SUGCT: variants seen among roughly 807,000 people sequenced by gnomAD.
The protein encoded by SUGCT is succinyl-CoA:glutarate-CoA transferase, also known as succinyl-CoA:glutarate CoA-transferase.
SUGCT carries 41 observed loss-of-function variants against 55.0 expected under a neutral mutation model. That is an observed-to-expected ratio of 0.74 (90% CI 0.58 to 0.97). The LOEUF is 0.97. Among genes scored for constraint, SUGCT ranks in the 50% least tolerant of loss-of-function variants. The pLI, the probability that SUGCT is intolerant of heterozygous loss-of-function variation, is 0.00. For synonymous variants in SUGCT, 187 were observed against 200.4 expected (o/e 0.93, Z 0.56); for missense variants, 568 against 547.8 (o/e 1.04, Z -0.37).
chr7:40,848,706 T>C (rs1261174100), intron 13 of SUGCT, among the ~76,000 whole-genome samples: 2 of 152,188 alleles, frequency 1.3e-5, no homozygotes, highest in African/African-American at 2.4e-5. Context: ...TCTATGTTGG[T>C]GGTACATACC....
At chr7:40,280,463 A>G (rs1042595751) in intron 8 of SUGCT, among the ~76,000 whole-genome samples, 1 of 152,174 alleles carries the variant, frequency 6.6e-6, no homozygotes, top group Non-Finnish European at 1.5e-5. Context: ...TCCTTACTGT[A>G]CTTAATTGCA....
intron 12 of SUGCT, among the ~76,000 whole-genome samples, chr7:40,736,426 T>G (rs1192871647): frequency 6.6e-6 from 1 of 151,496 alleles, no homozygotes; most frequent in East Asian, 1.9e-4. Context: ...TTAGGAATTT[T>G]CCAAAACTTT....
chr7:41,015,900 A>G, the SUGCT span, among the ~76,000 whole-genome samples: 9 of 152,122 alleles, frequency 5.9e-5, no homozygotes, highest in African/African-American at 2.2e-4. Flanking sequence ...TGTTGCATGT[A>G]TGTGTGTGTG....
the SUGCT span, among the ~76,000 whole-genome samples, chr7:40,914,623 G>A: frequency 6.6e-6 from 1 of 152,230 alleles, no homozygotes; most frequent in African/African-American, 2.4e-5. Context: ...GGCTGAGGAA[G>A]TAGAGTGGAA....
intron 6 of SUGCT, among the ~76,000 whole-genome samples, chr7:40,205,665 A>G (rs1786930920): frequency 6.6e-6 from 1 of 151,912 alleles, no homozygotes; most frequent in East Asian, 1.9e-4. Flanking sequence ...AAAAAAAAGA[A>G]AAGTGACAAA....
chr7:40,730,019 C>T (rs145334638), intron 12 of SUGCT, among the ~76,000 whole-genome samples: 533 of 152,294 alleles, frequency 3.5e-3, no homozygotes, highest in African/African-American at 0.012. Flanking sequence ...CTGCTTGGCT[C>T]GGTCCTGCTA....
chr7:40,205,992 T>G (rs1438926411), intron 6 of SUGCT, among the ~76,000 whole-genome samples: 2 of 152,336 alleles, frequency 1.3e-5, no homozygotes, highest in African/African-American at 2.4e-5. Flanking sequence ...ATGGTTAGAA[T>G]AGTTTCCAAT....
intron 13 of SUGCT, among the ~76,000 whole-genome samples, chr7:40,791,074 A>G (rs940688684): frequency 3.9e-5 from 6 of 152,328 alleles, no homozygotes; most frequent in African/African-American, 1.2e-4. Flanking sequence ...CAAAAAGCAA[A>G]CAAAAATCCT....
chr7:40,858,425 A>G (rs975306456), intron 13 of SUGCT, among the ~76,000 whole-genome samples: 9 of 151,074 alleles, frequency 6.0e-5, no homozygotes, highest in Non-Finnish European at 1.0e-4. Context: ...AAAAAAAAAA[A>G]AAAAGAAAAG....
chr7:40,272,121 C>A (rs1792084904), intron 7 of SUGCT, among the ~76,000 whole-genome samples: 2 of 97,630 alleles, frequency 2.0e-5, no homozygotes, highest in African/African-American at 7.1e-5. Flanking sequence ...ATGGATGTTT[C>A]AAAAACAACT....
At chr7:40,984,021 C>T in the SUGCT span, among the ~76,000 whole-genome samples, 149 of 152,080 alleles carry the variant, frequency 9.8e-4, no homozygotes, top group African/African-American at 3.5e-3. Flanking sequence ...TGCAGGTAGG[C>T]GAGGGGTAGG....
chr7:40,362,800 A>G (rs920851582), intron 9 of SUGCT, among the ~76,000 whole-genome samples: 1 of 152,196 alleles, frequency 6.6e-6, no homozygotes, highest in African/African-American at 2.4e-5. Flanking sequence ...TCTATGATCT[A>G]ATTTTGGAAA....
At chr7:40,177,450 C>T (rs959231305) in intron 1 of SUGCT, among the ~76,000 whole-genome samples, 2 of 151,964 alleles carry the variant, frequency 1.3e-5, no homozygotes, top group African/African-American at 4.8e-5. Context: ...AGGGGTTGTC[C>T]GATTTCACAA....
At chr7:40,995,680 A>G in the SUGCT span, among the ~76,000 whole-genome samples, 1 of 151,854 alleles carries the variant, frequency 6.6e-6, no homozygotes, top group African/African-American at 2.4e-5. Context: ...CATCATCACT[A>G]TAATCATCAC....
intron 7 of SUGCT, among the ~76,000 whole-genome samples, chr7:40,260,752 A>G (rs1458016658): frequency 6.6e-6 from 1 of 152,106 alleles, no homozygotes; most frequent in Non-Finnish European, 1.5e-5. Context: ...TCTGGGTTCA[A>G]GGGATTCTCA....
At chr7:40,246,251 C>CTTTTTTTTTTTTTTTTTTTTTTTT (rs11387100) in intron 7 of SUGCT, among the ~76,000 whole-genome samples, 1 of 147,228 alleles carries the variant, frequency 6.8e-6, no homozygotes. Flanking sequence ...ATAGCATGTT[C>CTTTTTTTTTTTTTTTTTTTTTTTT]TTTTTTTTTT....
chr7:40,585,234 A>T (rs1797312930), intron 12 of SUGCT, among the ~76,000 whole-genome samples: 1 of 152,180 alleles, frequency 6.6e-6, no homozygotes, highest in Non-Finnish European at 1.5e-5. Flanking sequence ...GGTTTCAGAC[A>T]GTGAGTCATA....
At chr7:40,855,086 C>T (rs1794102923) in intron 13 of SUGCT, among the ~76,000 whole-genome samples, 1 of 150,132 alleles carries the variant, frequency 6.7e-6, no homozygotes, top group South Asian at 2.1e-4. Flanking sequence ...TTGAATTGTT[C>T]ACCCCTCCTC....
At chr7:40,738,731 A>G (rs553580419) in intron 12 of SUGCT, among the ~76,000 whole-genome samples, 2 of 152,344 alleles carry the variant, frequency 1.3e-5, no homozygotes, top group East Asian at 3.9e-4. Flanking sequence ...AGATTAATGG[A>G]GAAAAATTAT....
Sources: gnomAD v4.1 joint callset for allele counts (sites outside exome capture counted in the v4.1 genomes callset) on GRCh38, gnomAD v4.1.1 for gene constraint, MANE v1.5 for transcripts, NCBI Gene and HGNC (gene_info 2026-07-23, HGNC 2026-07-21) for gene names.